The following TRIP4 variants were observed in gnomAD, a reference collection of about 807,000 sequenced individuals.
The protein encoded by TRIP4 is activating signal cointegrator 1.
A neutral mutation model predicts 81.8 loss-of-function variants in TRIP4; 54 were observed. The observed-to-expected ratio is 0.66, with a 90% confidence interval of 0.53 to 0.83. The LOEUF is 0.83. Ranked by LOEUF, TRIP4 falls within the 40% of genes least tolerant of loss-of-function variation. TRIP4 has a pLI of 0.00. For synonymous variants in TRIP4, 270 were observed against 242.8 expected, an observed-to-expected ratio of 1.11 and a Z score of -1.04; for missense variants, 662 against 683.6, an observed-to-expected ratio of 0.97 and a Z score of 0.35.
Position 64,454,994 on chromosome 15 carries a change from C to T in TRIP4, c.1679-3C>T. ...TAATGAGACTTATTTTTCTCCCTTA[C>T]AGGGAAATTGGATTCCAAGATCCAT... On this transcript the variant is annotated splice_polypyrimidine_tract_variant and splice_region_variant and intron_variant, in intron 12 of 12. Transcript: ENST00000261884. The T allele has an allele frequency of 1.2e-6, 2 of 1,613,138 alleles. No individual in the cohort carries two copies. Among genetic ancestry groups the T allele is most frequent in the Non-Finnish European group, 1.7e-6 (2 of 1,179,264 alleles).
At chr15:64,413,378 T>G (rs1891813878) in intron 7 of TRIP4, among the ~76,000 whole-genome samples, 1 of 152,044 alleles carries the variant, frequency 6.6e-6, no homozygotes, top group African/African-American at 2.4e-5. Flanking sequence ...GGTCTCTCTA[T>G]GTTGCCCAAG....
chr15:64,397,367 G>A (rs950664396), intron 3 of TRIP4, among the ~76,000 whole-genome samples: 1 of 152,174 alleles, frequency 6.6e-6, no homozygotes, highest in Non-Finnish European at 1.5e-5. Context: ...ACTAGCTATA[G>A]TAATGGGCTG....
At chr15:64,414,338 C>G in intron 8 of TRIP4, 127 bp downstream of exon 8, 1 of 1,256,368 alleles carries the variant, frequency 8.0e-7, no homozygotes, top group East Asian at 2.4e-5. Context: ...CCAATCAGCT[C>G]TCTCAACACA....
At chr15:64,441,698 G>A (rs185619879) in intron 11 of TRIP4, among the ~76,000 whole-genome samples, 174 of 152,198 alleles carry the variant, frequency 1.1e-3, no homozygotes, top group African/African-American at 4.2e-3. Context: ...GTGTGAACCC[G>A]GGAGATGGAG....
chr15:64,455,030 A>T lies in TRIP4; in HGVS notation c.1712A>T (p.Lys571Met), dbSNP rs1892854489. The T allele has an allele frequency of 6.2e-7, 1 of 1,613,988 alleles. No individual in the cohort carries two copies. Among genetic ancestry groups the T allele is most frequent in the Admixed American group, 1.7e-5 (1 of 60,010 alleles). Residue 571 changes from lysine (K) to methionine (M), a missense_variant, in exon 13 of 13, where the codon AAG becomes ATG. By Grantham distance (95) the Lys-to-Met change is moderately conservative. Coordinates refer to ENST00000261884, the MANE Select transcript of TRIP4 (RefSeq NM_016213.5). ...GATTCCAAGATCCATCAAGGAGCAA[A>T]GAAGGGGTTAATGAAGCAGAATAAA... ...KLDSKIHQGAKKGLMKQNKAV is the reference protein window; with the variant it reads ...KLDSKIHQGAMKGLMKQNKAV
intron 11 of TRIP4, among the ~76,000 whole-genome samples, chr15:64,433,641 A>T (rs1892325876): frequency 6.6e-6 from 1 of 152,168 alleles, no homozygotes; most frequent in Non-Finnish European, 1.5e-5. Context: ...AATGTCAGTT[A>T]ATGGTAGAGT....
At chr15:64,427,718 A>T (rs549904858) in intron 11 of TRIP4, among the ~76,000 whole-genome samples, 1 of 152,082 alleles carries the variant, frequency 6.6e-6, no homozygotes, top group South Asian at 2.1e-4. Context: ...CTCTAGATTT[A>T]TGTCTTTCAT....
chr15:64,407,858 A>C (rs1303944076), intron 6 of TRIP4, among the ~76,000 whole-genome samples: 1 of 152,008 alleles, frequency 6.6e-6, no homozygotes. Flanking sequence ...GCACTTTGGG[A>C]GGCCAAGGCA....
At chr15:64,425,484 G>A (rs1892120062) in intron 10 of TRIP4, 56 bp from the exon 11 acceptor site, 2 of 1,427,524 alleles carry the variant, frequency 1.4e-6, no homozygotes, top group East Asian at 4.6e-5. Context: ...AGATTCCTGA[G>A]TTCCAAGATC....
At chr15:64,449,959 T>A (rs1892716857) in intron 12 of TRIP4, among the ~76,000 whole-genome samples, 1 of 152,228 alleles carries the variant, frequency 6.6e-6, no homozygotes, top group African/African-American at 2.4e-5. Flanking sequence ...GGCACTATGA[T>A]TGAGGATGTG....
intron 1 of TRIP4, among the ~76,000 whole-genome samples, chr15:64,389,340 AT>A: frequency 6.6e-6 from 1 of 152,154 alleles, no homozygotes; most frequent in Middle Eastern, 3.4e-3. Flanking sequence ...ATTTTAATGG[AT>A]TTTTTTGAGG....
intron 11 of TRIP4, among the ~76,000 whole-genome samples, chr15:64,432,309 A>G (rs945563295): frequency 6.6e-6 from 1 of 151,984 alleles, no homozygotes; most frequent in South Asian, 2.1e-4. Flanking sequence ...TTTCATATAT[A>G]TTTATTCATT....
chr15:64,405,181 G>A (rs552061994), intron 5 of TRIP4, among the ~76,000 whole-genome samples: 5 of 149,232 alleles, frequency 3.4e-5, no homozygotes, highest in African/African-American at 1.2e-4. Context: ...TTGAGATGGA[G>A]TCTTGCTCTG....
intron 4 of TRIP4, among the ~76,000 whole-genome samples, chr15:64,398,979 T>A: frequency 8.4e-6 from 1 of 119,284 alleles, no homozygotes; most frequent in African/African-American, 3.2e-5. Flanking sequence ...AGACGGAGTC[T>A]CACTCTGTCG....
rs537786761 is a variant in TRIP4 at position 64,397,241 on chromosome 15, T to C, written c.406-365T>C. On this transcript the variant is annotated intron_variant, in intron 3 of 12. Transcript: ENST00000261884. The stretch of plus-strand genomic sequence containing the variant: ...TTTCCTATTTTATTGATGGCCCATA[T>C]TTCCAAATCTGTGAATATCATCTGC... Among the ~76,000 whole-genome samples, 198 of 152,354 alleles carry C rather than the reference T, an allele frequency of 1.3e-3. 4 individuals carry two copies. The South Asian group carries it at 0.02, about 15-fold the overall frequency.
chr15:64,426,202 G>A (rs1260174333), intron 11 of TRIP4, among the ~76,000 whole-genome samples: 3 of 152,070 alleles, frequency 2.0e-5, no homozygotes, highest in African/African-American at 4.8e-5. Flanking sequence ...ATTTTGATTG[G>A]GGGGTGGGAA....
chr15:64,388,368 G>T (rs1055420516), intron 1 of TRIP4, among the ~76,000 whole-genome samples: 1 of 152,134 alleles, frequency 6.6e-6, no homozygotes, highest in Non-Finnish European at 1.5e-5. Context: ...GTGCGGTGGC[G>T]CGATCTTGGC....
chr15:64,400,388 G>C (rs1014405085), intron 4 of TRIP4, among the ~76,000 whole-genome samples: 1 of 151,496 alleles, frequency 6.6e-6, no homozygotes, highest in Non-Finnish European at 1.5e-5. Context: ...TGCCCAGGCT[G>C]GTCTCGAATT....
chr15:64,416,769 AGTTAATGTGCTTTTCACAG>A (rs1424350832), intron 8 of TRIP4, among the ~76,000 whole-genome samples: 1 of 152,050 alleles, frequency 6.6e-6, no homozygotes, highest in Non-Finnish European at 1.5e-5. Context: ...ATGTCTCCCT[AGTTAATGTGCTTTTCACAG>A]TTAAGTACTC....
Sources: gnomAD v4.1 joint callset for allele counts (sites outside exome capture counted in the v4.1 genomes callset) on GRCh38, gnomAD v4.1.1 for gene constraint, MANE v1.5 for transcripts, NCBI Gene and HGNC (gene_info 2026-07-23, HGNC 2026-07-21) for gene names.